Variants in SPTB observed in about 807,000 individuals in gnomAD.
SPTB encodes the protein spectrin beta chain, erythrocytic.
Under a neutral mutation model 256.2 loss-of-function variants are expected in SPTB, and 45 were observed. The ratio of observed to expected loss-of-function variants is 0.18; its 90% CI spans 0.14 to 0.23. The LOEUF (loss-of-function observed/expected upper bound fraction) is 0.23, where lower values mean the gene tolerates loss of function less well. SPTB is among the 10% of genes least tolerant of loss of function. SPTB has a pLI of 1.00. For missense variants in SPTB, 2,715 were observed against 3,040.4 expected (o/e 0.89, Z 2.52); for synonymous variants, 1,231 against 1,243.1 (o/e 0.99, Z 0.21).
At chr14:64,849,160 T>G (rs181357350) in intron 1 of SPTB, among the ~76,000 whole-genome samples, 1 of 152,382 alleles carries the variant, frequency 6.6e-6, no homozygotes, top group East Asian at 1.9e-4. Context: ...AATAATAACA[T>G]GTTTGATTAT....
At position 64,759,289 on chromosome 14, in the gene SPTB, AC is replaced by A; in HGVS notation, c.6346-5497del. Reference sequence around the variant, plus strand: ...GTAGCTGGGCAGGGACCCACCCATGACCCCCTGGCTGCGAACCTGCAGTGGG... The same window carrying A: ...GTAGCTGGGCAGGGACCCACCCATGACCCCTGGCTGCGAACCTGCAGTGGG... On this transcript the variant is annotated intron_variant, in intron 32 of 35. Coordinates refer to ENST00000644917, the MANE Select transcript of SPTB (RefSeq NM_001355436.2). The surrounding 1 kb of genome is among the most constrained non-coding windows in gnomAD (Gnocchi z 4.8). Among the ~76,000 whole-genome samples the A allele has an allele frequency of 6.6e-6, 1 of 151,838 alleles. No individual in the cohort carries two copies. Among genetic ancestry groups the A allele is most frequent in the East Asian group, 1.9e-4 (1 of 5,178 alleles).
intron 22 of SPTB, among the ~76,000 whole-genome samples, chr14:64,776,794 G>C (rs2082365137): frequency 6.6e-6 from 1 of 152,122 alleles, no homozygotes; most frequent in African/African-American, 2.4e-5. Flanking sequence ...TCTGTGCAGG[G>C]TACTTACATT....
At chr14:64,850,483 A>G (rs1424451257) in intron 1 of SPTB, among the ~76,000 whole-genome samples, 2 of 152,162 alleles carry the variant, frequency 1.3e-5, no homozygotes, top group African/African-American at 4.8e-5. Context: ...ATTGGCCAAC[A>G]TCCTCAAGTT....
intron 1 of SPTB, among the ~76,000 whole-genome samples, chr14:64,864,425 G>A (rs1882035263): frequency 1.3e-5 from 2 of 152,110 alleles, no homozygotes; most frequent in South Asian, 4.2e-4. Context: ...CTTCAGCCTG[G>A]GCAACAGAGC....
chr14:64,851,700 TCATGTCCTTTG>T (rs1279989926), intron 1 of SPTB, among the ~76,000 whole-genome samples: 1 of 152,146 alleles, frequency 6.6e-6, no homozygotes, highest in East Asian at 1.9e-4. Flanking sequence ...AGGAATGAGA[TCATGTCCTTTG>T]CAGGGACATA....
chr14:64,784,507 A>G, intron 18 of SPTB, 114 bp from the exon 19 acceptor site: 1 of 1,364,574 alleles, frequency 7.3e-7, no homozygotes, highest in Non-Finnish European at 1.0e-6. Context: ...AAGTGCAAGC[A>G]CAGAAGAGAA....
In SPTB at chr14:64,825,670, G is replaced by C. The variant is rs962313660; in HGVS notation, c.-51-2525C>G. On this transcript the variant is annotated intron_variant, in intron 1 of 35. Coordinates refer to ENST00000644917, the MANE Select transcript of SPTB (RefSeq NM_001355436.2). This position sits in a 1 kb window ranked among gnomAD's most constrained non-coding sequence, Gnocchi z 4.8. Reference sequence around the variant, plus strand: ...ACCCTGGCTCTCCTGATTCGTCCTGGGCTATTTTTAAGAGTGGCTGAGAGA... The same window carrying C: ...ACCCTGGCTCTCCTGATTCGTCCTGCGCTATTTTTAAGAGTGGCTGAGAGA... Among the ~76,000 whole-genome samples the C allele has an allele frequency of 6.6e-6, 1 of 152,216 alleles. No individual in the cohort carries two copies. The highest frequency in any genetic ancestry group is 2.4e-5 in the African/African-American group (1 of 41,442).
At position 64,749,645 on chromosome 14, in the gene SPTB, C is replaced by T. The variant is rs748606984; in HGVS notation, c.6819+9G>A. On this transcript the variant is annotated intron_variant, in intron 35 of 35. Coordinates refer to ENST00000644917, the MANE Select transcript of SPTB (RefSeq NM_001355436.2). This position sits in a 1 kb window ranked among gnomAD's most constrained non-coding sequence, Gnocchi z 4.7. ...TTAGCCAGGTCTGGGCTAGGCTGCC[C>T]GCGCTTACCTCATCCTTGCCATGGA... 8 of 1,613,526 alleles carry T rather than the reference C, an allele frequency of 5.0e-6. No homozygotes were observed. The highest frequency in any genetic ancestry group is 4.0e-5 in the African/African-American group (3 of 74,938).
At position 64,778,869 on chromosome 14, in the gene SPTB, C is replaced by G. The variant is rs1055288691; in HGVS notation, c.4563+288G>C. On this transcript the variant is annotated intron_variant, in intron 22 of 35. Transcript: ENST00000644917. The surrounding 1 kb of genome is among the most constrained non-coding windows in gnomAD (Gnocchi z 5.2). Reference sequence around the variant, plus strand: ...TACTGAAGCACATCAACCTCCAGGCCAGGCCCCCGAGATCCTGCATTCACC... The same window carrying G: ...TACTGAAGCACATCAACCTCCAGGCGAGGCCCCCGAGATCCTGCATTCACC... 1.8e-4 allele frequency among the ~76,000 whole-genome samples: 28 copies of G among 152,096 alleles called. No homozygotes were observed. The highest frequency in any genetic ancestry group is 6.0e-4 in the African/African-American group (25 of 41,414).
At chr14:64,867,995 A>G (rs1163066148) in intron 1 of SPTB, among the ~76,000 whole-genome samples, 1 of 152,196 alleles carries the variant, frequency 6.6e-6, no homozygotes, top group African/African-American at 2.4e-5. Flanking sequence ...CCAAGCATCC[A>G]AGGCAAGATA....
chr14:64,752,092 T>A, intron 33 of SPTB: 1 of 1,087,824 alleles, frequency 9.2e-7, no homozygotes, highest in Non-Finnish European at 1.2e-6. Flanking sequence ...AGACTCTGTC[T>A]AAACAAAACA....
At chr14:64,801,645 A>T (rs2082888522) in intron 6 of SPTB, 109 bp downstream of exon 6, 4 of 1,176,242 alleles carry the variant, frequency 3.4e-6, no homozygotes, top group Non-Finnish European at 5.1e-6. Context: ...GGAGAGGAGA[A>T]GGAACAGCAG....
Position 64,782,395 on chromosome 14 carries a change from G to A in SPTB, c.4161C>T (p.Thr1387=). 1 of 1,614,152 alleles carries A rather than the reference G, an allele frequency of 6.2e-7. No homozygotes were observed. The highest frequency in any genetic ancestry group is 8.5e-7 in the Non-Finnish European group (1 of 1,180,040). The change falls in exon 20 of 36, where the codon ACC becomes ACT. Residue 1387 remains threonine, a synonymous_variant. Coordinates refer to ENST00000644917, the MANE Select transcript of SPTB (RefSeq NM_001355436.2). ...AARSSDLRLQ[T]HADLNKWISA... Reference sequence around the variant, plus strand: ...TGATCCACTTGTTGAGGTCAGCATGGGTCTGCAAGCGCAGGTCGGAGCTCC... The same window carrying A: ...TGATCCACTTGTTGAGGTCAGCATGAGTCTGCAAGCGCAGGTCGGAGCTCC...
In SPTB at chr14:64,825,512, G is replaced by C. The variant is rs192519842; in HGVS notation, c.-51-2367C>G. Among the ~76,000 whole-genome samples the C allele has an allele frequency of 2.8e-3, 418 of 151,348 alleles. 1 individual carries two copies. Among genetic ancestry groups the C allele is most frequent in the African/African-American group, 9.8e-3 (404 of 41,102 alleles). ...GGAAACTACCACTGACTTGGTCTCT[G>C]AGCCAGAGAGGGACTGACAGGCTGA... is the stretch of plus-strand genomic sequence containing the variant. On this transcript the variant is annotated intron_variant, in intron 1 of 35. Transcript: ENST00000644917. This position sits in a 1 kb window ranked among gnomAD's most constrained non-coding sequence, Gnocchi z 4.8.
chr14:64,856,285 A>G (rs1251006138), intron 1 of SPTB, among the ~76,000 whole-genome samples: 1 of 152,182 alleles, frequency 6.6e-6, no homozygotes, highest in African/African-American at 2.4e-5. Flanking sequence ...TTAAAGGCCA[A>G]GAGTCCTTCC....
intron 32 of SPTB, among the ~76,000 whole-genome samples, chr14:64,763,601 C>T (rs2082123639): frequency 6.6e-6 from 1 of 152,200 alleles, no homozygotes; most frequent in African/African-American, 2.4e-5. Flanking sequence ...TATAAGAGCG[C>T]GGAGACTCAG....
At chr14:64,864,365 C>CT (rs1025433439) in intron 1 of SPTB, among the ~76,000 whole-genome samples, 2 of 152,090 alleles carry the variant, frequency 1.3e-5, no homozygotes, top group African/African-American at 4.8e-5. Flanking sequence ...AGAAAAATCA[C>CT]TTGAGCCCAG....
Position 64,844,184 on chromosome 14 carries a change from A to T in SPTB, c.-51-21039T>A, listed in dbSNP as rs1323494613. 6.6e-6 allele frequency among the ~76,000 whole-genome samples: 1 copy of T among 152,036 alleles called. No homozygotes were observed. The highest frequency in any genetic ancestry group is 1.5e-5 in the Non-Finnish European group (1 of 68,006). ...ATGATCTCCAAGAGTGCTTAGCAGG[A>T]GTCATGGAGAAAAAAAAAATGAGAG... is the stretch of plus-strand genomic sequence containing the variant. On this transcript the variant is annotated intron_variant, in intron 1 of 35. Transcript: ENST00000644917. The surrounding 1 kb of genome is among the most constrained non-coding windows in gnomAD (Gnocchi z 4.1).
chr14:64,769,972 TGGGATTATTAGTG>T (rs903294066), intron 27 of SPTB, among the ~76,000 whole-genome samples: 1 of 152,160 alleles, frequency 6.6e-6, no homozygotes, highest in African/African-American at 2.4e-5. Context: ...CAAAGAAGCC[TGGGATTATTAGTG>T]GGCAATAAAA....
Sources: allele counts gnomAD v4.1 joint callset (sites outside exome capture counted in the v4.1 genomes callset), GRCh38; gene constraint gnomAD v4.1.1; non-coding constraint Gnocchi (gnomAD v3.1); transcripts MANE v1.5; gene names NCBI Gene and HGNC (gene_info 2026-07-23, HGNC 2026-07-21).